The following OSBPL10 variants were observed in gnomAD, a reference collection of about 807,000 sequenced individuals.
The protein encoded by OSBPL10 is oxysterol-binding protein-related protein 10.
A neutral mutation model predicts 81.7 loss-of-function variants in OSBPL10; 49 were observed. The observed-to-expected ratio is 0.60, with a 90% CI of 0.48 to 0.76. OSBPL10 has a LOEUF of 0.76. Ranked by LOEUF, OSBPL10 falls within the 30% of genes least tolerant of loss-of-function variation. The pLI is 0.00. For synonymous variants in OSBPL10, 419 were observed against 383.6 expected (o/e 1.09, Z -1.08); for missense variants, 923 against 987.8 (o/e 0.93, Z 0.88).
chr3:31,837,258 C>T (rs1352236243), intron 3 of OSBPL10, among the ~76,000 whole-genome samples: 4 of 149,250 alleles, frequency 2.7e-5, no homozygotes, highest in African/African-American at 9.9e-5. Context: ...ATCATAAACA[C>T]ACAACACACC....
At chr3:31,999,367 T>C (rs1180845475) in intron 2 of OSBPL10, among the ~76,000 whole-genome samples, 1 of 150,772 alleles carries the variant, frequency 6.6e-6, no homozygotes. Flanking sequence ...ATCTTTTTTT[T>C]TTTTTTTTTT....
chr3:31,732,950 A>G, intron 6 of OSBPL10: 1 of 400,522 alleles, frequency 2.5e-6, no homozygotes, highest in South Asian at 2.6e-5. Context: ...CCATCATGTC[A>G]ATAGGCACCA....
chr3:31,668,831 T>C lies in OSBPL10; in HGVS notation c.1914-7A>G, dbSNP rs1700260521. ...CTTCACTTCTGCGGTAACCCTGAAT[T>C]AATGAGTCAAATGAGTACACACTTT... On this transcript the variant is annotated splice_polypyrimidine_tract_variant and splice_region_variant and intron_variant, in intron 9 of 11. Transcript: ENST00000396556. The C allele has an allele frequency of 6.2e-7, 1 of 1,600,130 alleles. No homozygotes were observed. Among genetic ancestry groups the C allele is most frequent in the Non-Finnish European group, 8.5e-7 (1 of 1,171,370 alleles).
intron 1 of OSBPL10, among the ~76,000 whole-genome samples, chr3:31,967,748 A>C (rs546012192): frequency 1.3e-5 from 2 of 152,296 alleles, no homozygotes; most frequent in East Asian, 3.9e-4. Context: ...AGGCACTCAC[A>C]CACTCAGGCA....
At chr3:32,012,309 T>A (rs1030107426) in intron 2 of OSBPL10, among the ~76,000 whole-genome samples, 5 of 152,152 alleles carry the variant, frequency 3.3e-5, no homozygotes, top group South Asian at 2.1e-4. Flanking sequence ...AAGAAAAGAA[T>A]TTTCAACCCA....
chr3:31,972,706 T>C (rs932183042), intron 1 of OSBPL10, among the ~76,000 whole-genome samples: 1 of 152,186 alleles, frequency 6.6e-6, no homozygotes, highest in Non-Finnish European at 1.5e-5. Flanking sequence ...AGGCTGGCCG[T>C]GCAGATAAAT....
chr3:31,707,710 T>C (rs1471842151), intron 6 of OSBPL10, among the ~76,000 whole-genome samples: 1 of 152,146 alleles, frequency 6.6e-6, no homozygotes, highest in Non-Finnish European at 1.5e-5. Flanking sequence ...AACTGTCAGG[T>C]ACACAGCAGC....
At chr3:32,010,843 G>C (rs927152154) in intron 2 of OSBPL10, among the ~76,000 whole-genome samples, 1 of 152,206 alleles carries the variant, frequency 6.6e-6, no homozygotes, top group Admixed American at 6.5e-5. Context: ...CTCACTCATT[G>C]CTAGCACAGC....
chr3:31,936,568 A>T (rs1291589217), intron 1 of OSBPL10, among the ~76,000 whole-genome samples: 1 of 152,240 alleles, frequency 6.6e-6, no homozygotes, highest in African/African-American at 2.4e-5. Context: ...AAAGTAAATT[A>T]CATTTTTCAC....
chr3:31,869,985 T>C (rs1028138022), intron 3 of OSBPL10, among the ~76,000 whole-genome samples: 1 of 152,236 alleles, frequency 6.6e-6, no homozygotes, highest in Non-Finnish European at 1.5e-5. Context: ...TCGCCTGCTC[T>C]CGGCACCTCC....
chr3:32,063,537 C>G (rs973728296), intron 1 of OSBPL10, among the ~76,000 whole-genome samples: 1 of 92,060 alleles, frequency 1.1e-5, no homozygotes, highest in African/African-American at 2.8e-5. Flanking sequence ...TGGCCCTGGG[C>G]TATCAGGGAG....
chr3:31,921,716 A>C (rs944330589), intron 1 of OSBPL10, among the ~76,000 whole-genome samples: 3 of 152,146 alleles, frequency 2.0e-5, no homozygotes, highest in African/African-American at 4.8e-5. Flanking sequence ...TTAACTCCCT[A>C]CTCTTTAAAC....
chr3:31,701,622 T>C (rs1459013645), intron 7 of OSBPL10: 2 of 152,054 alleles, frequency 1.3e-5, no homozygotes, highest in African/African-American at 2.4e-5. Flanking sequence ...CACCTGACAA[T>C]GGCCCCAGTG....
At chr3:32,066,909 T>C (rs1036299071) in intron 1 of OSBPL10, among the ~76,000 whole-genome samples, 4 of 152,128 alleles carry the variant, frequency 2.6e-5, no homozygotes, top group Non-Finnish European at 5.9e-5. Flanking sequence ...TGAAACTAAG[T>C]TGTTTATCTG....
chr3:31,671,423 G>C (rs1700320740), intron 8 of OSBPL10, among the ~76,000 whole-genome samples: 1 of 152,156 alleles, frequency 6.6e-6, no homozygotes, highest in African/African-American at 2.4e-5. Context: ...CCTGGTAAGT[G>C]TGAAGAGGCT....
At chr3:31,704,813 C>T (rs1696008294) in intron 6 of OSBPL10, 1 of 152,276 alleles carries the variant, frequency 6.6e-6, no homozygotes, top group African/African-American at 2.4e-5. Flanking sequence ...CACACCTCCT[C>T]CAGCTGTCTG....
At chr3:31,800,098 C>G (rs1699343292) in intron 4 of OSBPL10, among the ~76,000 whole-genome samples, 1 of 152,192 alleles carries the variant, frequency 6.6e-6, no homozygotes, top group African/African-American at 2.4e-5. Flanking sequence ...AAGTTTTGGG[C>G]AGAAAATGGT....
chr3:31,733,878 C>CG (rs1697064343), intron 5 of OSBPL10, among the ~76,000 whole-genome samples: 1 of 151,652 alleles, frequency 6.6e-6, no homozygotes, highest in Non-Finnish European at 1.5e-5. Context: ...GGCGTGGTGG[C>CG]GGGCACCTGT....
At chr3:31,766,328 T>C (rs1486778215) in intron 4 of OSBPL10, among the ~76,000 whole-genome samples, 31 of 127,022 alleles carry the variant, frequency 2.4e-4, no homozygotes, top group African/African-American at 9.6e-4. Context: ...GTAGTTTTTT[T>C]GTTTTTTTGT....
Sources: gnomAD v4.1 joint callset for allele counts (sites outside exome capture counted in the v4.1 genomes callset) on GRCh38, gnomAD v4.1.1 for gene constraint, MANE v1.5 for transcripts, NCBI Gene and HGNC (gene_info 2026-07-23, HGNC 2026-07-21) for gene names.